Variants in DCTN2 observed in about 807,000 individuals in gnomAD.
The protein encoded by DCTN2 is 50 kDa dynein-associated polypeptide.
A neutral mutation model predicts 55.4 loss-of-function variants in DCTN2; 18 were observed. That is an observed-to-expected ratio of 0.32 (90% CI 0.22 to 0.48). The LOEUF is 0.48. DCTN2 is among the 20% of genes least tolerant of loss of function. The pLI, the probability that DCTN2 is intolerant of heterozygous loss-of-function variation, is 0.99. For synonymous variants in DCTN2, 168 were observed against 185.2 expected, an observed-to-expected ratio of 0.91 and a Z score of 0.76; for missense variants, 390 against 491.0, an observed-to-expected ratio of 0.79 and a Z score of 1.94.
intron 2 of DCTN2, among the ~76,000 whole-genome samples, chr12:57,536,640 A>C (rs1880257358): frequency 6.6e-6 from 1 of 152,194 alleles, no homozygotes; most frequent in African/African-American, 2.4e-5. Flanking sequence ...TGCTTTAAGC[A>C]CTGAAGCTCT....
intron 2 of DCTN2, among the ~76,000 whole-genome samples, chr12:57,536,531 C>G (rs1398755879): frequency 6.6e-6 from 1 of 152,136 alleles, no homozygotes; most frequent in Non-Finnish European, 1.5e-5. Context: ...CCAAGAGTAT[C>G]CATGGGCAAG....
chr12:57,539,950 C>G (rs1372124246), intron 2 of DCTN2: 1 of 265,710 alleles, frequency 3.8e-6, no homozygotes, highest in African/African-American at 2.3e-5. Context: ...CATTTGAACC[C>G]GGGAGGTGGA....
Position 57,532,313 on chromosome 12 carries a change from C to T in DCTN2, c.927G>A (p.Val309=), listed in dbSNP as rs1326683623. ...SVEDADTQSK[V]HQLYETIQRW... ...GCTGTATAGTTTCATATAGCTGGTG[C>T]ACCTGAAGGGACACAATGGGGCCCA... The change falls in exon 12 of 14, where the codon GTG becomes GTA. Residue 309 remains valine (V), a splice_region_variant and synonymous_variant. Transcript: ENST00000548249. 4 of 1,558,666 alleles carry T rather than the reference C, an allele frequency of 2.6e-6. No homozygotes were observed. The highest frequency in any genetic ancestry group is 3.5e-6 in the Non-Finnish European group (4 of 1,150,664).
chr12:57,542,264 G>A (rs1400532660), intron 2 of DCTN2, among the ~76,000 whole-genome samples: 1 of 149,966 alleles, frequency 6.7e-6, no homozygotes, highest in Non-Finnish European at 1.5e-5. Flanking sequence ...CAAAAAGAGT[G>A]AAACTCCATC....
intron 1 of DCTN2, 86 bp downstream of exon 1, chr12:57,546,942 G>T: frequency 9.1e-7 from 1 of 1,101,036 alleles, no homozygotes; most frequent in Non-Finnish European, 1.2e-6. Flanking sequence ...GCTGCAGGCG[G>T]GAGGGGTCGC....
chr12:57,534,552 T>C (rs544494249), intron 5 of DCTN2, 100 bp from the exon 6 acceptor site: 5 of 1,321,062 alleles, frequency 3.8e-6, no homozygotes, highest in African/African-American at 2.9e-5. Context: ...TGGAGGTCAC[T>C]GGGATGGTTT....
At chr12:57,535,199 G>T in intron 4 of DCTN2, 45 bp from the exon 5 acceptor site, 1 of 1,497,898 alleles carries the variant, frequency 6.7e-7, no homozygotes, top group Non-Finnish European at 9.2e-7. Flanking sequence ...CTCATTACAG[G>T]GAGCCTCAAG....
chr12:57,546,055 A>G lies in DCTN2; in HGVS notation c.78T>C (p.Pro26=), dbSNP rs1881124766. ...CATCGAACTCCGCTTGATCATCCTC[A>G]GGTAGGTCGCTAGTTTCATAAACAT... The part of the protein sequence containing the change: ...EPDVYETSDL[P]EDDQAEFDAE... Residue 26 remains proline, a synonymous_variant, in exon 2 of 14, where the codon CCT becomes CCC. Coordinates refer to ENST00000548249, the MANE Select transcript of DCTN2 (RefSeq NM_001261413.2). The G allele has an allele frequency of 5.6e-6, 9 of 1,613,804 alleles. No homozygotes were observed. The highest frequency in any genetic ancestry group is 7.6e-6 in the Non-Finnish European group (9 of 1,179,840).
intron 2 of DCTN2, among the ~76,000 whole-genome samples, chr12:57,544,772 G>T (rs1452898837): frequency 6.6e-6 from 1 of 152,062 alleles, no homozygotes; most frequent in African/African-American, 2.4e-5. Context: ...ACAGAGAACC[G>T]ATTGTATACA....
chr12:57,545,931 A>G, intron 2 of DCTN2, 97 bp downstream of exon 2: 1 of 1,307,930 alleles, frequency 7.6e-7, no homozygotes, highest in Non-Finnish European at 1.1e-6. Context: ...GGGTTGGCAT[A>G]CCCGCTTATT....
chr12:57,544,023 A>G (rs1222417094), intron 2 of DCTN2: 1 of 425,572 alleles, frequency 2.3e-6, no homozygotes, highest in East Asian at 7.1e-5. Flanking sequence ...GACAATATGT[A>G]TTTTTTTGTT....
intron 7 of DCTN2, 41 bp downstream of exon 7, chr12:57,533,912 T>A (rs760027468): frequency 1.3e-6 from 2 of 1,542,252 alleles, no homozygotes; most frequent in Non-Finnish European, 1.7e-6. Context: ...TAGGGTCACA[T>A]CTCCCCTTGG....
intron 13 of DCTN2, among the ~76,000 whole-genome samples, chr12:57,531,212 A>C (rs1465354323): frequency 9.2e-5 from 14 of 152,184 alleles, no homozygotes. Context: ...CACTGAGAAC[A>C]GTGCCTCCAA....
intron 7 of DCTN2, among the ~76,000 whole-genome samples, 163 bp downstream of exon 7, chr12:57,533,790 A>G (rs1415040620): frequency 2.0e-5 from 3 of 151,082 alleles, no homozygotes; most frequent in Non-Finnish European, 4.4e-5. Flanking sequence ...AAAAAAAGAA[A>G]GAAACATAGA....
rs774718356 is a variant in DCTN2, at chr12:57,530,751, G to C, written c.1144C>G (p.Leu382Val). The C allele has an allele frequency of 5.0e-6, 8 of 1,613,808 alleles. No homozygotes were observed. Among genetic ancestry groups the C allele is most frequent in the Non-Finnish European group, 6.8e-6 (8 of 1,179,824 alleles). ...GCAAAGTTCCCCTCAACTGTGGCCA[G>C]GTTTTCACGCATGGTTGTCTGCACC... ...TQVQTTMRENLATVEGNFASI... is the reference protein window; with the variant it reads ...TQVQTTMRENVATVEGNFASI... Residue 382 changes from leucine (L) to valine (V), a missense_variant, in exon 14 of 14, where the codon CTG (leucine) becomes GTG (valine). Physicochemically the swap from Leu to Val is conservative, Grantham distance 32 (BLOSUM62 1). Around this residue, in one of 2 missense-constraint regions of DCTN2, gnomAD observed 273 missense variants for 303.2 expected, o/e 0.90. Transcript: ENST00000548249.
At chr12:57,545,341 A>C (rs1881060190) in intron 2 of DCTN2, among the ~76,000 whole-genome samples, 1 of 151,958 alleles carries the variant, frequency 6.6e-6, no homozygotes, top group East Asian at 1.9e-4. Context: ...CTAATTCCCC[A>C]TTAGTCTGGG....
At chr12:57,532,400 A>G in intron 11 of DCTN2, 85 bp from the exon 12 acceptor site, 2 of 1,385,370 alleles carry the variant, frequency 1.4e-6, no homozygotes, top group Non-Finnish European at 2.0e-6. Context: ...GTAATGGGGG[A>G]AAGGATCAAG....
intron 2 of DCTN2, chr12:57,544,185 G>T (rs1385639537): frequency 2.3e-6 from 1 of 433,190 alleles, no homozygotes; most frequent in Admixed American, 2.7e-5. Context: ...GCATACAGCT[G>T]TCTCTTGGCA....
At chr12:57,532,184 CTT>C (rs1879791123) in intron 12 of DCTN2, 27 bp downstream of exon 12, 2 of 1,552,400 alleles carry the variant, frequency 1.3e-6, no homozygotes, top group Middle Eastern at 1.7e-4. Context: ...TTCAACTTCT[CTT>C]AGCACTCCTG....
Sources: gnomAD v4.1 joint callset for allele counts (sites outside exome capture counted in the v4.1 genomes callset) on GRCh38, gnomAD v4.1.1 for gene constraint, gnomAD v4.1.1 regional missense constraint, MANE v1.5 for transcripts, NCBI Gene and HGNC (gene_info 2026-07-23, HGNC 2026-07-21) for gene names.